Variants in IPO7 observed in about 807,000 individuals in gnomAD.
IPO7 encodes the protein importin 7.
IPO7 carries 13 observed loss-of-function variants against 136.4 expected under a neutral mutation model. The observed-to-expected ratio is 0.10, with a 90% CI of 0.06 to 0.15. The LOEUF is 0.15. Ranked by LOEUF, IPO7 falls within the 10% of genes least tolerant of loss-of-function variation. The pLI, the probability that IPO7 is intolerant of heterozygous loss-of-function variation, is 1.00. For missense variants in IPO7, 857 were observed against 1,240.6 expected (o/e 0.69, Z 4.65); for synonymous variants, 403 against 404.4 (o/e 1.00, Z 0.04).
At chr11:9,393,829 G>A (rs1264986440) in intron 1 of IPO7, among the ~76,000 whole-genome samples, 3 of 152,066 alleles carry the variant, frequency 2.0e-5, no homozygotes, top group African/African-American at 7.2e-5. Context: ...AGACTTTCTG[G>A]GAAAATGCAT....
rs1855009917 is a variant in IPO7 at position 9,414,348 on chromosome 11, C to A, written c.573C>A (p.Asp191Glu). Residue 191 changes from aspartate (D) to glutamate (E), a missense_variant, in exon 5 of 25, where the codon GAC becomes GAA. Coordinates refer to ENST00000379719, the MANE Select transcript of IPO7 (RefSeq NM_006391.3). ...ATCGTTTTATCCAGCTTCTTTCTGA[C>A]CAGTCTGATCAGTCTGTCCTCATCC... ...LKDRFIQLLS[D>E]QSDQSVLIQK... 1 of 1,611,472 alleles carries A rather than the reference C, an allele frequency of 6.2e-7. No homozygotes were observed.
intron 24 of IPO7, among the ~76,000 whole-genome samples, chr11:9,442,653 C>T (rs1855474754): frequency 6.6e-6 from 1 of 152,024 alleles, no homozygotes; most frequent in African/African-American, 2.4e-5. Flanking sequence ...GACCTCATGA[C>T]CCGCCCGCCT....
intron 1 of IPO7, among the ~76,000 whole-genome samples, chr11:9,387,436 C>T (rs185495174): frequency 3.9e-5 from 6 of 152,348 alleles, no homozygotes; most frequent in Admixed American, 2.6e-4. Context: ...CAAATGTCTC[C>T]TTATCACTGA....
At chr11:9,414,605 C>A in intron 5 of IPO7, 194 bp downstream of exon 5, 1 of 254,654 alleles carries the variant, frequency 3.9e-6, no homozygotes, top group Non-Finnish European at 7.2e-6. Context: ...AATACATAAA[C>A]AACCCTAATG....
chr11:9,442,273 A>G (rs957951989), intron 24 of IPO7, 76 bp downstream of exon 24: 36 of 613,732 alleles, frequency 5.9e-5, no homozygotes, highest in Non-Finnish European at 9.2e-5. Flanking sequence ...TTAATTTTAT[A>G]TCATTAAATT....
Position 9,442,214 on chromosome 11 carries a change from T to G in IPO7, c.3019+17T>G, listed in dbSNP as rs1465893167. ...CAGCCCATGGTATGTTAATTAACTG[T>G]AACTCCTCTTTAATTAGTGACTTTT... On this transcript the variant is annotated intron_variant, in intron 24 of 24. Transcript: ENST00000379719. The G allele has an allele frequency of 9.0e-7, 1 of 1,113,172 alleles. No homozygotes were observed. The highest frequency in any genetic ancestry group is 1.4e-6 in the Non-Finnish European group (1 of 736,802). The allele number at this position is 1,113,172 out of a possible 1,614,324, so 69.0% of individuals were successfully genotyped here.
chr11:9,387,359 A>C (rs915212142), intron 1 of IPO7, among the ~76,000 whole-genome samples: 2 of 152,042 alleles, frequency 1.3e-5, no homozygotes, highest in Non-Finnish European at 2.9e-5. Context: ...TTTGCACTTA[A>C]CTCCTTGGAA....
At chr11:9,405,130 A>C (rs1432144769) in intron 2 of IPO7, among the ~76,000 whole-genome samples, 1 of 152,070 alleles carries the variant, frequency 6.6e-6, no homozygotes, top group Non-Finnish European at 1.5e-5. Flanking sequence ...TTTTTAGACA[A>C]ACTGGCTGTA....
At chr11:9,421,397 G>A (rs979020381) in intron 8 of IPO7, among the ~76,000 whole-genome samples, 46 of 146,196 alleles carry the variant, frequency 3.1e-4, no homozygotes, top group Middle Eastern at 3.9e-3. Context: ...TGGGAGGCCA[G>A]GGCGGGCAGA....
intron 2 of IPO7, among the ~76,000 whole-genome samples, chr11:9,406,283 G>T (rs1204157568): frequency 6.6e-6 from 1 of 151,744 alleles, no homozygotes; most frequent in Non-Finnish European, 1.5e-5. Context: ...GATCAAAGAC[G>T]TGAGCCACTG....
intron 19 of IPO7, 40 bp downstream of exon 19, chr11:9,435,071 C>T (rs1347354968): frequency 1.7e-6 from 2 of 1,177,008 alleles, no homozygotes; most frequent in Non-Finnish European, 1.3e-6. Context: ...GAGGCTTCTG[C>T]TATAAAATGT....
chr11:9,428,858 A>G (rs781362168), intron 13 of IPO7, 173 bp from the exon 14 acceptor site: 1 of 794,750 alleles, frequency 1.3e-6, no homozygotes, highest in Admixed American at 1.7e-5. Flanking sequence ...CCACACAAAC[A>G]TCATGCGGCC....
intron 22 of IPO7, among the ~76,000 whole-genome samples, chr11:9,438,919 A>C (rs1855422194): frequency 1.4e-5 from 2 of 145,094 alleles, no homozygotes; most frequent in Non-Finnish European, 3.1e-5. Context: ...TACAAAGCCA[A>C]ATAATTATGT....
At chr11:9,441,272 TC>T (rs1855456659) in intron 23 of IPO7, among the ~76,000 whole-genome samples, 1 of 152,190 alleles carries the variant, frequency 6.6e-6, no homozygotes, top group African/African-American at 2.4e-5. Flanking sequence ...AGTCCACTGT[TC>T]CTATAATGTG....
intron 1 of IPO7, among the ~76,000 whole-genome samples, chr11:9,392,610 T>C (rs113043345): frequency 2.0e-4 from 31 of 152,282 alleles, no homozygotes; most frequent in African/African-American, 7.5e-4. Context: ...TAGTAGCTAA[T>C]TGAAAGTCTC....
chr11:9,419,559 A>AAAAAAAATAT (rs1256216265), intron 6 of IPO7, among the ~76,000 whole-genome samples: 4 of 116,846 alleles, frequency 3.4e-5, no homozygotes, highest in African/African-American at 1.5e-4. Flanking sequence ...AAAAAAAAAA[A>AAAAAAAATAT]ATATATATAT....
rs1324256099 is a variant in IPO7, at chr11:9,410,043, C to T, written c.436C>T (p.Leu146=). 1 of 1,603,810 alleles carries T rather than the reference C, an allele frequency of 6.2e-7. No homozygotes were observed. Reference sequence around the variant, plus strand: ...TCAGTCCGATAACAGTGCTTGTTGGCTAGGAATTCTTCTTTGCCTTTATCA... The same window carrying T: ...TCAGTCCGATAACAGTGCTTGTTGGTTAGGAATTCTTCTTTGCCTTTATCA... The part of the protein sequence containing the change: ...YLQSDNSACW[L]GILLCLYQLV... The change falls in exon 4 of 25, where the codon CTA becomes TTA. Residue 146 remains leucine, a synonymous_variant. Transcript: ENST00000379719.
At chr11:9,407,490 G>C (rs557106443) in intron 2 of IPO7, among the ~76,000 whole-genome samples, 1 of 152,130 alleles carries the variant, frequency 6.6e-6, no homozygotes, top group Non-Finnish European at 1.5e-5. Context: ...GGGAGTCAGA[G>C]GTTGCAGTGA....
chr11:9,414,168 T>C, intron 4 of IPO7, 87 bp from the exon 5 acceptor site: 1 of 961,296 alleles, frequency 1.0e-6, no homozygotes, highest in Non-Finnish European at 1.5e-6. Flanking sequence ...TATTTGATTA[T>C]ATTTGTGTAA....
Sources: gnomAD v4.1 joint callset for allele counts (sites outside exome capture counted in the v4.1 genomes callset) on GRCh38, gnomAD v4.1.1 for gene constraint, MANE v1.5 for transcripts, NCBI Gene and HGNC (gene_info 2026-07-23, HGNC 2026-07-21) for gene names.